Variants in TLL2 observed in about 807,000 individuals in gnomAD.
The protein encoded by TLL2 is tolloid-like protein 2.
In TLL2, 106 loss-of-function variants were observed where a neutral mutation model predicts 123.0. The ratio of observed to expected loss-of-function variants is 0.86; its 90% CI spans 0.74 to 1.01. The LOEUF (loss-of-function observed/expected upper bound fraction) is 1.01. Among genes scored for constraint, TLL2 ranks in the 50% least tolerant of loss-of-function variants. The probability of loss-of-function intolerance (pLI) is 0.00; values close to 1 mark genes in which losing one functional copy is unlikely to be tolerated. For synonymous variants in TLL2, 494 were observed against 516.8 expected, an observed-to-expected ratio of 0.96 and a Z score of 0.60; for missense variants, 1,332 against 1,336.7, an observed-to-expected ratio of 1.00 and a Z score of 0.06.
intron 2 of TLL2, among the ~76,000 whole-genome samples, chr10:96,470,229 C>T (rs1847166022): frequency 6.6e-6 from 1 of 152,240 alleles, no homozygotes. Context: ...CTGAGAATTT[C>T]TCTTGCTGCT....
intron 16 of TLL2, among the ~76,000 whole-genome samples, chr10:96,381,391 C>T (rs539757906): frequency 6.6e-6 from 1 of 152,276 alleles, no homozygotes; most frequent in South Asian, 2.1e-4. Flanking sequence ...CCAACTTGGC[C>T]CATCTCGTGC....
chr10:96,378,846 C>T, intron 17 of TLL2, 121 bp downstream of exon 17: 2 of 1,348,340 alleles, frequency 1.5e-6, no homozygotes, highest in Non-Finnish European at 2.0e-6. Flanking sequence ...AGTTGCTGGG[C>T]CTCAGCTCAG....
intron 2 of TLL2, among the ~76,000 whole-genome samples, chr10:96,450,212 TCA>T (rs1351305271): frequency 6.6e-6 from 1 of 151,490 alleles, no homozygotes; most frequent in Non-Finnish European, 1.5e-5. Context: ...GACATACGAG[TCA>T]CGTAGGCAGT....
chr10:96,370,713 A>AC (rs1388570917), intron 19 of TLL2, among the ~76,000 whole-genome samples: 2 of 151,994 alleles, frequency 1.3e-5, no homozygotes, highest in African/African-American at 2.4e-5. Context: ...AAGGGCTCCC[A>AC]CTCGCCCCAC....
In TLL2 at chr10:96,405,279, T is replaced by C; in HGVS notation, c.1220A>G (p.Asp407Gly). The change falls in exon 10 of 21, where the codon GAT (aspartate) becomes GGT (glycine). Residue 407 changes from aspartate to glycine, a missense_variant. Asp to Gly is a moderately conservative substitution (Grantham distance 94). Transcript: ENST00000357947. ...DLFKSRLCWY[D>G]YVEVRDGYWR... ...GTAACCATCCCGGACCTCCACGTAA[T>C]CATACCAGCACAGTCGGCTTTTAAA... 1 of 1,614,154 alleles carries C rather than the reference T, an allele frequency of 6.2e-7. No homozygotes were observed. The highest frequency in any genetic ancestry group is 8.5e-7 in the Non-Finnish European group (1 of 1,180,022).
At chr10:96,379,540 G>A (rs1846167362) in intron 16 of TLL2, among the ~76,000 whole-genome samples, 1 of 152,200 alleles carries the variant, frequency 6.6e-6, no homozygotes, top group African/African-American at 2.4e-5. Context: ...TAAGGAAACT[G>A]GCCAGGCATG....
chr10:96,496,762 G>A (rs1589436827), intron 1 of TLL2, among the ~76,000 whole-genome samples: 1 of 152,214 alleles, frequency 6.6e-6, no homozygotes, highest in Non-Finnish European at 1.5e-5. Context: ...GGGCAGGCCG[G>A]CCATATCTGC....
intron 2 of TLL2, among the ~76,000 whole-genome samples, chr10:96,451,772 A>C (rs970788189): frequency 6.6e-6 from 1 of 152,176 alleles, no homozygotes; most frequent in Non-Finnish European, 1.5e-5. Context: ...TTAAGACATC[A>C]CTAGGGACAC....
At chr10:96,397,572 C>T (rs894681768) in intron 10 of TLL2, among the ~76,000 whole-genome samples, 1 of 152,162 alleles carries the variant, frequency 6.6e-6, no homozygotes, top group South Asian at 2.1e-4. Flanking sequence ...GCAGCCTCTC[C>T]CCTGCCGAGG....
intron 17 of TLL2, among the ~76,000 whole-genome samples, chr10:96,377,181 G>A (rs1381604030): frequency 1.3e-5 from 2 of 152,148 alleles, no homozygotes; most frequent in Non-Finnish European, 2.9e-5. Context: ...TGTAAGCTTC[G>A]GTGTCCTTAT....
At chr10:96,424,712 G>A (rs1777400022) in intron 5 of TLL2, among the ~76,000 whole-genome samples, 1 of 151,974 alleles carries the variant, frequency 6.6e-6, no homozygotes, top group African/African-American at 2.4e-5. Context: ...CTAGTCAAGA[G>A]TGTTGCAAGT....
intron 1 of TLL2, among the ~76,000 whole-genome samples, chr10:96,508,530 G>C (rs890796089): frequency 6.6e-6 from 1 of 152,200 alleles, no homozygotes; most frequent in Non-Finnish European, 1.5e-5. Flanking sequence ...CAGCTGTGAA[G>C]AAGGCCCTGG....
chr10:96,382,006 CT>C lies in TLL2; in HGVS notation c.2194+2580del, dbSNP rs538431685. On this transcript the variant is annotated intron_variant, in intron 16 of 20. Coordinates refer to ENST00000357947, the MANE Select transcript of TLL2 (RefSeq NM_012465.4). ...TCTAATATGACGTGACATGCAGGAC[CT>C]GCTACACAGTTTGCAAGGCTCAGTG... Among the ~76,000 whole-genome samples the C allele has an allele frequency of 3.3e-5, 5 of 152,274 alleles. No individual in the cohort carries two copies. The East Asian group carries it at 9.6e-4, about 29-fold the overall frequency.
At chr10:96,391,310 C>T (rs536239065) in intron 13 of TLL2, among the ~76,000 whole-genome samples, 9 of 152,136 alleles carry the variant, frequency 5.9e-5, no homozygotes, top group South Asian at 2.1e-4. Flanking sequence ...ATGGGCCGGT[C>T]GTAGGAAGGA....
chr10:96,508,946 T>C (rs1471931747), intron 1 of TLL2, among the ~76,000 whole-genome samples: 1 of 152,052 alleles, frequency 6.6e-6, no homozygotes, highest in Non-Finnish European at 1.5e-5. Context: ...GTGGCCGTGA[T>C]GGAAGTGATA....
intron 16 of TLL2, among the ~76,000 whole-genome samples, chr10:96,381,063 CCTT>C (rs1206847745): frequency 1.6e-4 from 25 of 152,298 alleles, no homozygotes; most frequent in African/African-American, 6.0e-4. Context: ...TCCTCCAAGT[CCTT>C]CTGCAGATGA....
chr10:96,455,385 G>A (rs1316900565), intron 2 of TLL2, among the ~76,000 whole-genome samples: 4 of 152,176 alleles, frequency 2.6e-5, no homozygotes, highest in Non-Finnish European at 5.9e-5. Flanking sequence ...GTTTGAATCA[G>A]AGCAACTCCA....
At chr10:96,464,252 T>C (rs1218959371) in intron 2 of TLL2, among the ~76,000 whole-genome samples, 1 of 151,818 alleles carries the variant, frequency 6.6e-6, no homozygotes, top group African/African-American at 2.4e-5. Context: ...GGTGTGGTGG[T>C]GTGCACCTGT....
intron 12 of TLL2, 96 bp downstream of exon 12, chr10:96,395,779 T>C: frequency 4.0e-6 from 6 of 1,507,126 alleles, no homozygotes; most frequent in Non-Finnish European, 5.4e-6. Context: ...CTTAGGTTCC[T>C]GTTTTTAGCC....
Sources: allele counts gnomAD v4.1 joint callset (sites outside exome capture counted in the v4.1 genomes callset), GRCh38; gene constraint gnomAD v4.1.1; transcripts MANE v1.5; gene names NCBI Gene and HGNC (gene_info 2026-07-23, HGNC 2026-07-21).